TRUB1: variants seen among roughly 807,000 people sequenced by gnomAD.
TRUB1 encodes the protein TruB pseudouridine synthase family member 1, also known as pseudouridylate synthase TRUB1.
TRUB1 carries 23 observed loss-of-function variants against 33.9 expected under a neutral mutation model. The observed-to-expected ratio is 0.68, with a 90% CI of 0.49 to 0.96. The LOEUF (loss-of-function observed/expected upper bound fraction) is 0.96. Ranked by LOEUF, TRUB1 falls within the 40% of genes least tolerant of loss-of-function variation. TRUB1 has a pLI of 0.00. For synonymous variants in TRUB1, 163 were observed against 165.4 expected, an observed-to-expected ratio of 0.99 and a Z score of 0.11; for missense variants, 378 against 422.2, an observed-to-expected ratio of 0.90 and a Z score of 0.92.
chr10:114,974,618 C>A, intron 7 of TRUB1, among the ~76,000 whole-genome samples: 1 of 150,340 alleles, frequency 6.7e-6, no homozygotes, highest in Non-Finnish European at 1.5e-5. Flanking sequence ...AAAACGAAGA[C>A]AGGAATAATG....
chr10:114,961,224 T>C (rs1312206216), intron 4 of TRUB1, among the ~76,000 whole-genome samples: 1 of 152,066 alleles, frequency 6.6e-6, no homozygotes, highest in African/African-American at 2.4e-5. Context: ...GTCATGAGGC[T>C]CTTATAGTAG....
rs374251825 is a variant in TRUB1 at position 114,945,080 on chromosome 10, C to G, written c.385+2337C>G. Among the ~76,000 whole-genome samples, 50 of 152,192 alleles carry G rather than the reference C, an allele frequency of 3.3e-4. No homozygotes were observed. The South Asian group carries it at 0.01, about 31-fold the overall frequency. On this transcript the variant is annotated intron_variant, in intron 2 of 7. Transcript: ENST00000298746. ...TTCTATAGTTTAATTCTCATTGTAA[C>G]CTATAAGAGAGGTTATTACTATCCC...
chr10:114,941,290 G>A (rs2143020004), intron 1 of TRUB1, among the ~76,000 whole-genome samples: 1 of 151,390 alleles, frequency 6.6e-6, no homozygotes, highest in Non-Finnish European at 1.5e-5. Context: ...AGGAAGCACT[G>A]GCTCTGTCTC....
intron 1 of TRUB1, among the ~76,000 whole-genome samples, chr10:114,939,862 C>T (rs935149588): frequency 1.5e-4 from 21 of 144,614 alleles, no homozygotes; most frequent in African/African-American, 5.4e-4. Flanking sequence ...GTAATGATTA[C>T]CATTCTTTCA....
At chr10:114,943,180 G>T (rs959979669) in intron 2 of TRUB1, among the ~76,000 whole-genome samples, 1 of 152,154 alleles carries the variant, frequency 6.6e-6, no homozygotes, top group Non-Finnish European at 1.5e-5. Context: ...CTGGAATTTT[G>T]TTCCACTGCT....
At chr10:114,973,639 T>G (rs2084346580) in intron 6 of TRUB1, among the ~76,000 whole-genome samples, 1 of 152,174 alleles carries the variant, frequency 6.6e-6, no homozygotes. Context: ...TGGATAAAAA[T>G]AATGGAGAGC....
intron 4 of TRUB1, among the ~76,000 whole-genome samples, chr10:114,969,108 CTG>C (rs1020282007): frequency 8.0e-5 from 12 of 149,668 alleles, no homozygotes; most frequent in African/African-American, 2.4e-4. Flanking sequence ...AATTATAGAA[CTG>C]TATTTTTTGT....
chr10:114,946,738 A>G (rs10444099), intron 2 of TRUB1, among the ~76,000 whole-genome samples: 45,009 of 151,726 alleles, frequency 0.3, 7,806 homozygotes, highest in Non-Finnish European at 0.4. Flanking sequence ...TTTTTTTGCA[A>G]TATTAATGGT....
At chr10:114,942,019 C>T (rs1021179519) in intron 1 of TRUB1, among the ~76,000 whole-genome samples, 4 of 151,348 alleles carry the variant, frequency 2.6e-5, no homozygotes, top group African/African-American at 9.7e-5. Flanking sequence ...CTCCTGACCT[C>T]GTGATCCGCC....
At chr10:114,970,250 ACT>A (rs2084329341) in intron 4 of TRUB1, 116 bp from the exon 5 acceptor site, 4 of 644,416 alleles carry the variant, frequency 6.2e-6, no homozygotes, top group Non-Finnish European at 1.1e-5. Context: ...TAAAACATAT[ACT>A]GTAATATATG....
At chr10:114,944,830 A>G (rs1013599245) in intron 2 of TRUB1, among the ~76,000 whole-genome samples, 1 of 151,930 alleles carries the variant, frequency 6.6e-6, no homozygotes, top group African/African-American at 2.4e-5. Flanking sequence ...ATAAAAAATT[A>G]AAAAATTAGC....
chr10:114,969,270 A>G (rs573705688), intron 4 of TRUB1, among the ~76,000 whole-genome samples: 14 of 151,588 alleles, frequency 9.2e-5, no homozygotes, highest in African/African-American at 3.4e-4. Context: ...AGCCTCTACT[A>G]AAAAATACAA....
chr10:114,974,014 A>T (rs532431869), intron 6 of TRUB1, among the ~76,000 whole-genome samples: 13 of 152,326 alleles, frequency 8.5e-5, no homozygotes, highest in Non-Finnish European at 1.5e-4. Flanking sequence ...TCTCAAGCTC[A>T]TGATAGCAAA....
At chr10:114,938,670 T>G in intron 1 of TRUB1, 131 bp downstream of exon 1, 13 of 1,049,694 alleles carry the variant, frequency 1.2e-5, no homozygotes, top group Non-Finnish European at 1.6e-5. Flanking sequence ...GAATTAGCTC[T>G]GGACAGGAAT....
At chr10:114,960,819 A>T (rs2084281930) in intron 4 of TRUB1, among the ~76,000 whole-genome samples, 1 of 152,132 alleles carries the variant, frequency 6.6e-6, no homozygotes. Flanking sequence ...CTTTAAGATT[A>T]AGGAGGCATA....
chr10:114,944,335 C>T (rs191209003), intron 2 of TRUB1, among the ~76,000 whole-genome samples: 4 of 152,024 alleles, frequency 2.6e-5, no homozygotes, highest in East Asian at 1.9e-4. Flanking sequence ...AGGATAAAAT[C>T]GGTGAAGAAA....
At chr10:114,955,512 A>G (rs1203022360) in intron 3 of TRUB1, among the ~76,000 whole-genome samples, 1 of 152,202 alleles carries the variant, frequency 6.6e-6, no homozygotes, top group African/African-American at 2.4e-5. Flanking sequence ...CCATAGTGGC[A>G]CCTGCAGGCA....
At chr10:114,950,572 C>T (rs1335565374) in intron 2 of TRUB1, among the ~76,000 whole-genome samples, 3 of 152,114 alleles carry the variant, frequency 2.0e-5, no homozygotes, top group Non-Finnish European at 4.4e-5. Context: ...CATTCTTCAG[C>T]CTTCATTTTA....
intron 4 of TRUB1, 200 bp downstream of exon 4, chr10:114,960,007 C>T: frequency 1.9e-6 from 1 of 519,754 alleles, no homozygotes; most frequent in Non-Finnish European, 3.4e-6. Flanking sequence ...ATTGTGATTG[C>T]CTCTTTTTCT....
Sources: gnomAD v4.1 joint callset for allele counts (sites outside exome capture counted in the v4.1 genomes callset) on GRCh38, gnomAD v4.1.1 for gene constraint, MANE v1.5 for transcripts, NCBI Gene and HGNC (gene_info 2026-07-23, HGNC 2026-07-21) for gene names.